PBX1: variants seen among roughly 807,000 people sequenced by gnomAD.
PBX1 encodes pre-B-cell leukemia transcription factor 1.
A neutral mutation model predicts 53.4 loss-of-function variants in PBX1; 6 were observed. The observed-to-expected ratio is 0.11, with a 90% confidence interval of 0.06 to 0.22. PBX1 has a LOEUF of 0.22. PBX1 is among the 10% of genes least tolerant of loss of function. The probability of loss-of-function intolerance (pLI) is 1.00; values close to 1 mark genes in which losing one functional copy is unlikely to be tolerated. For missense variants in PBX1, 251 were observed against 551.4 expected (o/e 0.46, Z 5.46); for synonymous variants, 204 against 212.3 (o/e 0.96, Z 0.34).
chr1:164,842,890 T>A (rs969834194), intron 8 of PBX1, among the ~76,000 whole-genome samples: 1 of 151,480 alleles, frequency 6.6e-6, no homozygotes, highest in African/African-American at 2.4e-5. Context: ...AAAATAAAAG[T>A]CTTATTTTCC....
intron 1 of PBX1, among the ~76,000 whole-genome samples, chr1:164,561,621 T>G (rs1437642510): frequency 6.6e-6 from 1 of 152,178 alleles, no homozygotes; most frequent in Non-Finnish European, 1.5e-5. Flanking sequence ...AAAATAAGTT[T>G]GTGAAGTGGA....
At chr1:164,828,338 T>G (rs1670574287) in intron 8 of PBX1, 1 of 152,176 alleles carries the variant, frequency 6.6e-6, no homozygotes, top group Non-Finnish European at 1.5e-5. Flanking sequence ...AGTCAGTTTC[T>G]CATGATAGGA....
intron 2 of PBX1, among the ~76,000 whole-genome samples, chr1:164,697,542 G>A (rs1429439963): frequency 6.6e-6 from 1 of 152,048 alleles, no homozygotes; most frequent in Non-Finnish European, 1.5e-5. Context: ...CAAAAACTGT[G>A]TTTACCTATG....
chr1:164,784,408 C>T (rs1243536596), intron 2 of PBX1, among the ~76,000 whole-genome samples: 1 of 152,198 alleles, frequency 6.6e-6, no homozygotes, highest in Non-Finnish European at 1.5e-5. Context: ...GCGCAGCGTG[C>T]CAAGTGGGGA....
chr1:164,841,192 A>C (rs1328429110), intron 8 of PBX1, among the ~76,000 whole-genome samples: 1 of 152,188 alleles, frequency 6.6e-6, no homozygotes, highest in Non-Finnish European at 1.5e-5. Context: ...TGGCCAGGGG[A>C]CAGATGGATG....
chr1:164,817,706 A>G (rs1326917455), intron 6 of PBX1: 1 of 152,242 alleles, frequency 6.6e-6, no homozygotes, highest in African/African-American at 2.4e-5. Flanking sequence ...GTCAATTGCA[A>G]TGTGTATCTT....
intron 2 of PBX1, among the ~76,000 whole-genome samples, chr1:164,875,990 A>ATG (rs1247988251): frequency 8.7e-4 from 46 of 52,952 alleles, no homozygotes; most frequent in East Asian, 2.4e-3. Context: ...GTGTATGTGT[A>ATG]TATATATATA....
At chr1:164,765,366 C>A (rs1030125086) in intron 2 of PBX1, among the ~76,000 whole-genome samples, 1 of 152,158 alleles carries the variant, frequency 6.6e-6, no homozygotes, top group African/African-American at 2.4e-5. Flanking sequence ...TTGAAGAACA[C>A]AGAATAATTT....
At chr1:164,809,320 A>G (rs1669497885) in intron 5 of PBX1, among the ~76,000 whole-genome samples, 1 of 152,134 alleles carries the variant, frequency 6.6e-6, no homozygotes, top group African/African-American at 2.4e-5. Context: ...AGGTACAAAT[A>G]GTGTGTCCAT....
downstream of PBX1, among the ~76,000 whole-genome samples, chr1:164,854,945 C>CT (rs539213655): frequency 0.14 from 16,476 of 116,324 alleles, 1,741 homozygotes; most frequent in Non-Finnish European, 0.16. Context: ...CTCTCTCTCT[C>CT]TTTTTTTTTT....
downstream of PBX1, chr1:164,854,358 A>G (rs753123854): frequency 5.9e-5 from 9 of 152,160 alleles, no homozygotes; most frequent in African/African-American, 9.7e-5. Flanking sequence ...TTTTTTTAAA[A>G]CATGCAACAA....
chr1:164,855,528 G>T (rs115490898), downstream of PBX1, among the ~76,000 whole-genome samples: 1 of 152,032 alleles, frequency 6.6e-6, no homozygotes, highest in Non-Finnish European at 1.5e-5. Flanking sequence ...CCCAGTGTTG[G>T]CCTGACCCAC....
At chr1:164,735,435 A>G (rs568703446) in intron 2 of PBX1, among the ~76,000 whole-genome samples, 2 of 152,306 alleles carry the variant, frequency 1.3e-5, no homozygotes, top group African/African-American at 2.4e-5. Flanking sequence ...GGCCTCATTG[A>G]TGATAGTGGG....
Position 164,674,000 on chromosome 1 carries a change from T to C in PBX1, c.265+110689T>C, listed in dbSNP as rs550617320. Among the ~76,000 whole-genome samples, 163 of 152,222 alleles carry C rather than the reference T, an allele frequency of 1.1e-3. 1 individual carries two copies. The highest frequency in any genetic ancestry group is 3.7e-3 in the African/African-American group (154 of 41,566). Reference sequence around the variant, plus strand: ...ACATTGGGAAACTGGGGCACAGAGATGAAATGACTATGAGCTGAAAACAAG... The same window carrying C: ...ACATTGGGAAACTGGGGCACAGAGACGAAATGACTATGAGCTGAAAACAAG... On this transcript the variant is annotated intron_variant, in intron 2 of 8. Transcript: ENST00000420696.
chr1:164,647,214 T>C (rs1280960109), intron 2 of PBX1, among the ~76,000 whole-genome samples: 1 of 152,186 alleles, frequency 6.6e-6, no homozygotes. Flanking sequence ...CTTTCAAAGC[T>C]CAAGGCACTG....
At position 164,848,222 on chromosome 1, in the gene PBX1, GTA is replaced by G; in HGVS notation, c.*1550_*1551del. On this transcript the variant is annotated 3_prime_UTR_variant, in exon 9 of 9. Transcript: ENST00000420696. ...CTAAAAATACATGAGAAAATAGCAT[GTA>G]TATGAAAGCTATTCTCAAAAGTCAC... 9.5e-7 allele frequency: 1 copy of G among 1,051,826 alleles called. No homozygotes were observed. The highest frequency in any genetic ancestry group is 4.3e-4 in the Middle Eastern group (1 of 2,330). 65.2% of individuals were successfully genotyped at this position (1,051,826 alleles called of 1,614,324 possible).
intron 2 of PBX1, among the ~76,000 whole-genome samples, chr1:164,720,523 A>G (rs1290114037): frequency 1.3e-5 from 2 of 152,166 alleles, no homozygotes. Context: ...GCCACAAAGG[A>G]AGCAATGCCC....
intron 1 of PBX1, among the ~76,000 whole-genome samples, chr1:164,561,348 CAT>C (rs1653027632): frequency 6.6e-6 from 1 of 152,164 alleles, no homozygotes; most frequent in Non-Finnish European, 1.5e-5. Context: ...GCACATGCAA[CAT>C]GTAAACTCAA....
chr1:164,589,418 C>T lies in PBX1; in HGVS notation c.265+26107C>T, dbSNP rs527669058. Among the ~76,000 whole-genome samples the T allele has an allele frequency of 1.4e-4, 22 of 152,122 alleles. 1 individual carries two copies. The East Asian group carries it at 4.3e-3, about 29-fold the overall frequency. ...AAAATGATACCTGTGGTGTCTTTTC[C>T]TGAAACTGAAAACATTAAAGCGTTC... On this transcript the variant is annotated intron_variant, in intron 2 of 8. Transcript: ENST00000420696.
Sources: gnomAD v4.1 joint callset for allele counts (sites outside exome capture counted in the v4.1 genomes callset) on GRCh38, gnomAD v4.1.1 for gene constraint, MANE v1.5 for transcripts, NCBI Gene and HGNC (gene_info 2026-07-23, HGNC 2026-07-21) for gene names.